BOD1L1: variants seen among roughly 807,000 people sequenced by gnomAD.
BOD1L1 encodes the protein biorientation of chromosomes in cell division protein 1-like 1.
BOD1L1 carries 86 observed loss-of-function variants against 240.7 expected under a neutral mutation model. That is an observed-to-expected ratio of 0.36 (90% CI 0.30 to 0.43). The LOEUF (loss-of-function observed/expected upper bound fraction) is 0.43. Ranked by LOEUF, BOD1L1 falls within the 20% of genes least tolerant of loss-of-function variation. The probability of loss-of-function intolerance (pLI) is 1.00; values close to 1 mark genes in which losing one functional copy is unlikely to be tolerated. For missense variants in BOD1L1, 3,554 were observed against 3,643.5 expected (o/e 0.98, Z 0.63); for synonymous variants, 1,268 against 1,272.3 (o/e 1.00, Z 0.07).
At position 13,586,455 on chromosome 4, in the gene BOD1L1, C is replaced by T. The variant is rs369325152; in HGVS notation, c.8374G>A (p.Asp2792Asn). Residue 2792 changes from aspartate to asparagine, a missense_variant, in exon 17 of 26, where the codon GAT (aspartate) becomes AAT (asparagine). Around this residue, in one of 2 missense-constraint regions of BOD1L1, gnomAD observed 3,393 missense variants for 3,427.1 expected, o/e 0.99. Coordinates refer to ENST00000040738, the MANE Select transcript of BOD1L1 (RefSeq NM_148894.3). ...CTTTGTGCTGTTTCTATTCTGGAAT[C>T]CAGGACATCTGGATTATCATCTGTA... ...DEPDDNPDVL[D>N]SRIETAQRQC... is the part of the protein sequence containing the mutation. The T allele has an allele frequency of 6.2e-6, 10 of 1,610,068 alleles. No individual in the cohort carries two copies. The highest frequency in any genetic ancestry group is 7.6e-6 in the Non-Finnish European group (9 of 1,177,366).
chr4:13,608,951 C>T (rs1195315489), intron 7 of BOD1L1, among the ~76,000 whole-genome samples: 1 of 152,120 alleles, frequency 6.6e-6, no homozygotes, highest in Non-Finnish European at 1.5e-5. Flanking sequence ...AAATGTTTGA[C>T]ATTTTAGTTA....
Position 13,599,026 on chromosome 4 carries a change from T to C in BOD1L1, c.7874A>G (p.Asp2625Gly). 3 of 1,614,014 alleles carry C rather than the reference T, an allele frequency of 1.9e-6. No individual in the cohort carries two copies. Among genetic ancestry groups the C allele is most frequent in the Admixed American group, 3.3e-5 (2 of 60,028 alleles). ...AGGGAATGATTTCCTTGTGCTGTTA[T>C]CATCTCCTGTTTTCTCAGCAGATGC... ...DQASAEKTGD[D>G]NSTRKSFPEE... Residue 2625 changes from aspartate (D) to glycine (G), a missense_variant, in exon 10 of 26, where the codon GAT (aspartate) becomes GGT (glycine). Physicochemically the swap from Asp to Gly is moderately conservative, Grantham distance 94. This residue lies in a region of BOD1L1 where 3,393 missense variants were observed against 3,427.1 expected (regional missense o/e 0.99). Transcript: ENST00000040738.
intron 2 of BOD1L1, among the ~76,000 whole-genome samples, chr4:13,617,603 T>C (rs1203816159): frequency 6.6e-6 from 1 of 152,328 alleles, no homozygotes; most frequent in East Asian, 1.9e-4. Flanking sequence ...GCTAAGTTCG[T>C]TATTCAGTTA....
At chr4:13,581,439 G>C (rs1418874618) in intron 19 of BOD1L1, among the ~76,000 whole-genome samples, 1 of 152,084 alleles carries the variant, frequency 6.6e-6, no homozygotes, top group East Asian at 1.9e-4. Context: ...GGAGCCATGA[G>C]GATTTTGAGA....
chr4:13,570,691 C>T (rs1323752367), intron 25 of BOD1L1, among the ~76,000 whole-genome samples: 1 of 152,166 alleles, frequency 6.6e-6, no homozygotes, highest in Non-Finnish European at 1.5e-5. Flanking sequence ...TTGTTGGAAA[C>T]TCCAATTAAT....
chr4:13,612,168 T>C (rs1716222578), intron 5 of BOD1L1, among the ~76,000 whole-genome samples: 1 of 152,078 alleles, frequency 6.6e-6, no homozygotes, highest in African/African-American at 2.4e-5. Flanking sequence ...TTTTTTAGTT[T>C]GTGAAATTGA....
rs756330900 is a variant in BOD1L1 at position 13,604,138 on chromosome 4, A to G, written c.2762T>C (p.Val921Ala). ...KSKSKTQGKQ[V>A]KVVETELQEG... The stretch of plus-strand genomic sequence containing the variant: ...TTGTAATTCTGTTTCTACAACTTTT[A>G]CCTGTTTGCCTTGAGTTTTTGATTT... The change falls in exon 10 of 26, where the codon GTA becomes GCA. Residue 921 changes from valine (V) to alanine (A), a missense_variant. This residue lies in a region of BOD1L1 where 3,393 missense variants were observed against 3,427.1 expected (regional missense o/e 0.99). Coordinates refer to ENST00000040738, the MANE Select transcript of BOD1L1 (RefSeq NM_148894.3). The G allele has an allele frequency of 1.9e-6, 3 of 1,613,128 alleles. No homozygotes were observed. Among genetic ancestry groups the G allele is most frequent in the Non-Finnish European group, 2.5e-6 (3 of 1,179,720 alleles).
At position 13,599,025 on chromosome 4, in the gene BOD1L1, A is replaced by G; in HGVS notation, c.7875T>C (p.Asp2625=). Residue 2625 remains aspartate (D), a synonymous_variant, in exon 10 of 26, where the codon GAT becomes GAC. Coordinates refer to ENST00000040738, the MANE Select transcript of BOD1L1 (RefSeq NM_148894.3). The part of the protein sequence containing the change: ...DQASAEKTGD[D]NSTRKSFPEE... ...CAGGGAATGATTTCCTTGTGCTGTT[A>G]TCATCTCCTGTTTTCTCAGCAGATG... is the stretch of plus-strand genomic sequence containing the variant. The G allele has an allele frequency of 6.2e-7, 1 of 1,613,992 alleles. No homozygotes were observed. Among genetic ancestry groups the G allele is most frequent in the Non-Finnish European group, 8.5e-7 (1 of 1,179,872 alleles).
chr4:13,569,931 G>T lies in BOD1L1; in HGVS notation c.*80C>A. 9.3e-7 allele frequency: 1 copy of T among 1,070,416 alleles called. No homozygotes were observed. Among genetic ancestry groups the T allele is most frequent in the South Asian group, 2.2e-5 (1 of 45,156 alleles). 66.3% of individuals were successfully genotyped at this position (1,070,416 alleles called of 1,614,324 possible). A position where few individuals can be genotyped will look rare whatever the true frequency, so the allele number is the denominator to read the frequency against. On this transcript the variant is annotated 3_prime_UTR_variant, in exon 26 of 26. Coordinates refer to ENST00000040738, the MANE Select transcript of BOD1L1 (RefSeq NM_148894.3). ...CATGCATATCTTTTTCCTGGTTAAA[G>T]AGAAGCCTATGGCCACCAAGGCATG...
At chr4:13,587,794 C>G (rs749980966) in intron 15 of BOD1L1, 23 bp from the exon 16 acceptor site, 1 of 1,461,430 alleles carries the variant, frequency 6.8e-7, no homozygotes. Flanking sequence ...ATGACTATAT[C>G]AAAGGCCATA....
chr4:13,627,153 G>C (rs1717457632), intron 1 of BOD1L1, among the ~76,000 whole-genome samples, 192 bp downstream of exon 1: 1 of 152,186 alleles, frequency 6.6e-6, no homozygotes, highest in Admixed American at 6.5e-5. Context: ...CCGAAACCAT[G>C]ACTGGCACGT....
chr4:13,577,062 AG>A, intron 24 of BOD1L1, 71 bp from the exon 25 acceptor site: 2 of 1,537,474 alleles, frequency 1.3e-6, no homozygotes, highest in South Asian at 2.5e-5. Context: ...AGAGTCATGG[AG>A]TTTAGAACTT....
At chr4:13,574,941 G>A (rs574356563) in intron 25 of BOD1L1, among the ~76,000 whole-genome samples, 43 of 148,112 alleles carry the variant, frequency 2.9e-4, no homozygotes, top group African/African-American at 1.0e-3. Flanking sequence ...TTTTTGAGAC[G>A]GGGAGTCTCA....
At chr4:13,612,251 T>C (rs1285098232) in intron 5 of BOD1L1, among the ~76,000 whole-genome samples, 1 of 152,220 alleles carries the variant, frequency 6.6e-6, no homozygotes, top group African/African-American at 2.4e-5. Flanking sequence ...CCTCTATGAT[T>C]TTCTCTCTAG....
Position 13,590,389 on chromosome 4 carries a change from C to T in BOD1L1, c.8206G>A (p.Gly2736Arg), listed in dbSNP as rs1310188585. ...EEIHSESYNK[G>R]EISSGRKDNA... ...ACTATGAAATTCATTAACTTACCTC[C>T]TTTGTTATAAGATTCGCTATGAATT... The change falls in exon 14 of 26, where the codon GGA becomes AGA. Residue 2736 changes from glycine (G) to arginine (R), a missense_variant. Gly to Arg is a moderately radical substitution (Grantham distance 125). Transcript: ENST00000040738. 15 of 1,487,236 alleles carry T rather than the reference C, an allele frequency of 1.0e-5. No homozygotes were observed. The highest frequency in any genetic ancestry group is 1.3e-5 in the Non-Finnish European group (14 of 1,085,978). 92.1% of individuals were successfully genotyped at this position (1,487,236 alleles called of 1,614,324 possible).
rs1257600514 is a variant in BOD1L1 at position 13,598,978 on chromosome 4, G to A, written c.7922C>T (p.Thr2641Ile). ...ACACACATTTTCTTCAGAAGACACAGTAACCATTATGTCTCCTTCCTCAGG... is the reference window on the plus strand; with the variant it reads ...ACACACATTTTCTTCAGAAGACACAATAACCATTATGTCTCCTTCCTCAGG... ...SFPEEGDIMV[T>I]VSSEENVCDI... The change falls in exon 10 of 26, where the codon ACT becomes ATT. Residue 2641 changes from threonine to isoleucine, a missense_variant. Physicochemically the swap from Thr to Ile is moderately conservative, Grantham distance 89. This residue lies in a region of BOD1L1 where 3,393 missense variants were observed against 3,427.1 expected (regional missense o/e 0.99). Transcript: ENST00000040738. The A allele has an allele frequency of 1.2e-6, 2 of 1,611,800 alleles. No homozygotes were observed. The highest frequency in any genetic ancestry group is 1.3e-5 in the African/African-American group (1 of 74,878).
intron 9 of BOD1L1, 49 bp from the exon 10 acceptor site, chr4:13,605,133 T>C: frequency 7.2e-7 from 1 of 1,386,564 alleles, no homozygotes; most frequent in Non-Finnish European, 9.5e-7. Context: ...AATCAATTTT[T>C]AGATTAAAAC....
At chr4:13,573,597 C>T (rs1414304923) in intron 25 of BOD1L1, among the ~76,000 whole-genome samples, 4 of 152,080 alleles carry the variant, frequency 2.6e-5, no homozygotes, top group Non-Finnish European at 5.9e-5. Flanking sequence ...AATCTCTTCT[C>T]ACTGCAACCT....
chr4:13,580,161 T>G, intron 21 of BOD1L1, 188 bp from the exon 22 acceptor site: 1 of 548,690 alleles, frequency 1.8e-6, no homozygotes, highest in Admixed American at 3.4e-5. Flanking sequence ...AATACAGACT[T>G]TCCAATAAGT....
Sources: gnomAD v4.1 joint callset for allele counts (sites outside exome capture counted in the v4.1 genomes callset) on GRCh38, gnomAD v4.1.1 for gene constraint, gnomAD v4.1.1 regional missense constraint, MANE v1.5 for transcripts, NCBI Gene and HGNC (gene_info 2026-07-23, HGNC 2026-07-21) for gene names.